ANXA13: variants seen among roughly 807,000 people sequenced by gnomAD.
The protein encoded by ANXA13 is annexin A13.
ANXA13 carries 36 observed loss-of-function variants against 46.6 expected under a neutral mutation model. The ratio of observed to expected loss-of-function variants is 0.77; its 90% confidence interval spans 0.59 to 1.02. The LOEUF is 1.02. Among genes scored for constraint, ANXA13 ranks in the 50% least tolerant of loss-of-function variants. The probability of loss-of-function intolerance (pLI) is 0.00; values close to 1 mark genes in which losing one functional copy is unlikely to be tolerated. For synonymous variants in ANXA13, 163 were observed against 152.9 expected (o/e 1.07, Z -0.49); for missense variants, 417 against 396.5 (o/e 1.05, Z -0.44).
chr8:123,709,577 A>C (rs1232676268), intron 2 of ANXA13, among the ~76,000 whole-genome samples: 1 of 152,116 alleles, frequency 6.6e-6, no homozygotes, highest in Non-Finnish European at 1.5e-5. Flanking sequence ...GAGCAGTAGG[A>C]TATAAATAAC....
At chr8:123,718,613 T>C (rs1813802520) in intron 1 of ANXA13, among the ~76,000 whole-genome samples, 3 of 152,344 alleles carry the variant, frequency 2.0e-5, no homozygotes, top group Non-Finnish European at 2.9e-5. Flanking sequence ...AAGGCAGCAC[T>C]GGTGCTGGGG....
chr8:123,703,091 C>A (rs551305590), intron 2 of ANXA13, among the ~76,000 whole-genome samples: 1 of 152,106 alleles, frequency 6.6e-6, no homozygotes, highest in Non-Finnish European at 1.5e-5. Context: ...ATAGCTCAAA[C>A]GTGGAAGCAG....
chr8:123,706,992 T>C (rs1308640692), intron 2 of ANXA13, among the ~76,000 whole-genome samples: 3 of 152,252 alleles, frequency 2.0e-5, no homozygotes, highest in East Asian at 1.9e-4. Flanking sequence ...TGCACACTCC[T>C]GGACAGATGA....
chr8:123,689,368 A>G (rs1813192902), intron 8 of ANXA13, among the ~76,000 whole-genome samples: 1 of 151,612 alleles, frequency 6.6e-6, no homozygotes, highest in East Asian at 1.9e-4. Context: ...TCAATTTCCC[A>G]GGAGGCTGTG....
chr8:123,698,263 C>G, intron 4 of ANXA13, 126 bp downstream of exon 4: 1 of 1,025,830 alleles, frequency 9.7e-7, no homozygotes, highest in Non-Finnish European at 1.4e-6. Context: ...ACCAAGCACA[C>G]ATATGTCTCC....
intron 1 of ANXA13, among the ~76,000 whole-genome samples, chr8:123,724,779 T>A (rs1218232271): frequency 1.3e-5 from 2 of 152,230 alleles, no homozygotes; most frequent in Admixed American, 1.3e-4. Flanking sequence ...TGATAGTGGA[T>A]CTTTCACACT....
chr8:123,693,850 A>AG (rs1813284846), intron 6 of ANXA13, 71 bp from the exon 7 acceptor site: 2 of 1,406,136 alleles, frequency 1.4e-6, no homozygotes, highest in Non-Finnish European at 2.0e-6. Context: ...AACAAAAAAA[A>AG]CAAAGTCCTG....
At chr8:123,711,085 G>A (rs1813649613) in intron 2 of ANXA13, among the ~76,000 whole-genome samples, 2 of 152,108 alleles carry the variant, frequency 1.3e-5, no homozygotes, top group African/African-American at 4.8e-5. Flanking sequence ...GGGGCCCTTA[G>A]TGTGTATCAG....
Position 123,682,572 on chromosome 8 carries a change from T to C in ANXA13, c.832-1213A>G, listed in dbSNP as rs117314240. On this transcript the variant is annotated intron_variant, in intron 10 of 10. Coordinates refer to ENST00000419625, the MANE Select transcript of ANXA13 (RefSeq NM_004306.4). ...GTGAGAGAAATGATCAGGATGGGAG[T>C]ATGTGGGGGAGTGAGGGAGGGTTTG... 5.5e-3 allele frequency among the ~76,000 whole-genome samples: 834 copies of C among 151,448 alleles called. 2 individuals are homozygous for C. Among genetic ancestry groups the C allele is most frequent in the Non-Finnish European group, 7.6e-3 (519 of 67,852 alleles).
At chr8:123,704,072 G>T (rs1242047410) in intron 2 of ANXA13, among the ~76,000 whole-genome samples, 2 of 152,166 alleles carry the variant, frequency 1.3e-5, no homozygotes, top group Admixed American at 1.3e-4. Flanking sequence ...TGAAATGCGA[G>T]AATCCAAGTG....
In ANXA13 at chr8:123,737,341, T is replaced by C; in HGVS notation, c.-7A>G. The C allele has an allele frequency of 1.2e-6, 2 of 1,611,282 alleles. No homozygotes were observed. Among genetic ancestry groups the C allele is most frequent in the Non-Finnish European group, 1.7e-6 (2 of 1,178,406 alleles). On this transcript the variant is annotated 5_prime_UTR_variant, in exon 1 of 11. Coordinates refer to ENST00000419625, the MANE Select transcript of ANXA13 (RefSeq NM_004306.4). Reference sequence around the variant, plus strand: ...TTACATGACGATTGCCCATTTTCCTTTTTCTGAGATGGTTTTTCTGTATTT... The same window carrying C: ...TTACATGACGATTGCCCATTTTCCTCTTTCTGAGATGGTTTTTCTGTATTT...
intron 2 of ANXA13, chr8:123,712,093 G>T (rs1428098249): frequency 6.5e-6 from 1 of 154,730 alleles, no homozygotes; most frequent in African/African-American, 2.4e-5. Context: ...CATGTTGTGG[G>T]AGGGACTTGG....
chr8:123,710,463 C>T (rs1033954405), intron 2 of ANXA13, among the ~76,000 whole-genome samples: 2 of 152,204 alleles, frequency 1.3e-5, no homozygotes, highest in African/African-American at 2.4e-5. Flanking sequence ...AAACTCTGAA[C>T]TGCATGCTGC....
chr8:123,681,017 C>A lies in ANXA13; in HGVS notation c.*223G>T. 1.9e-6 allele frequency: 1 copy of A among 518,174 alleles called. No individual in the cohort carries two copies. The highest frequency in any genetic ancestry group is 3.4e-6 in the Non-Finnish European group (1 of 294,914). The allele number at this position is 518,174 out of a possible 1,614,324, so 32.1% of individuals were successfully genotyped here. A position where few individuals can be genotyped will look rare whatever the true frequency, so the allele number is the denominator to read the frequency against. ...ATGCTAAAAGAAAGTGAAGAGGCAG[C>A]CTAGATGCTTGCTAAGCCAGAGTTC... On this transcript the variant is annotated 3_prime_UTR_variant, in exon 11 of 11. Transcript: ENST00000419625.
chr8:123,712,380 A>G, intron 2 of ANXA13: 1 of 425,284 alleles, frequency 2.4e-6, no homozygotes, highest in Non-Finnish European at 4.3e-6. Flanking sequence ...GTGTGAGAAC[A>G]GACTAATACA....
intron 2 of ANXA13, among the ~76,000 whole-genome samples, chr8:123,704,345 C>A (rs1258721847): frequency 6.6e-6 from 1 of 152,092 alleles, no homozygotes; most frequent in African/African-American, 2.4e-5. Context: ...CAATGCAGCA[C>A]CTCTTCTCGG....
chr8:123,733,877 A>G (rs1314986925), intron 1 of ANXA13, among the ~76,000 whole-genome samples: 1 of 152,190 alleles, frequency 6.6e-6, no homozygotes, highest in Non-Finnish European at 1.5e-5. Context: ...GGTGATCTCA[A>G]TGCAGGCAAG....
In ANXA13 at chr8:123,690,433, G is replaced by A. The variant is rs140801963; in HGVS notation, c.643-1487C>T. ...TTTTGCCCGCTCAGGTTTTTTCCTT[G>A]CACAACTCCAGGAGGCGCTATTCAC... is the stretch of plus-strand genomic sequence containing the variant. On this transcript the variant is annotated intron_variant, in intron 8 of 10. Coordinates refer to ENST00000419625, the MANE Select transcript of ANXA13 (RefSeq NM_004306.4). This position sits in a 1 kb window ranked among gnomAD's most constrained non-coding sequence, Gnocchi z 4.6. Among the ~76,000 whole-genome samples, 1 of 152,166 alleles carries A rather than the reference G, an allele frequency of 6.6e-6. No homozygotes were observed. The highest frequency in any genetic ancestry group is 2.4e-5 in the African/African-American group (1 of 41,516).
chr8:123,728,614 G>A (rs1814048520), intron 1 of ANXA13: 1 of 152,164 alleles, frequency 6.6e-6, no homozygotes, highest in African/African-American at 2.4e-5. Context: ...GGCTGAGCGG[G>A]GCCTTCATGG....
Sources: allele counts gnomAD v4.1 joint callset (sites outside exome capture counted in the v4.1 genomes callset), GRCh38; gene constraint gnomAD v4.1.1; non-coding constraint Gnocchi (gnomAD v3.1); transcripts MANE v1.5; gene names NCBI Gene and HGNC (gene_info 2026-07-23, HGNC 2026-07-21).